ZDHHC14: variants seen among roughly 807,000 people sequenced by gnomAD.
ZDHHC14 encodes palmitoyltransferase ZDHHC14.
In ZDHHC14, 16 loss-of-function variants were observed where a neutral mutation model predicts 47.7. That is an observed-to-expected ratio of 0.34 (90% confidence interval 0.23 to 0.51). The LOEUF (loss-of-function observed/expected upper bound fraction) is 0.51, where lower values mean the gene tolerates loss of function less well. ZDHHC14 is among the 20% of genes least tolerant of loss of function. The pLI, the probability that ZDHHC14 is intolerant of heterozygous loss-of-function variation, is 0.97. For synonymous variants in ZDHHC14, 293 were observed against 278.9 expected, an observed-to-expected ratio of 1.05 and a Z score of -0.50; for missense variants, 515 against 662.5, an observed-to-expected ratio of 0.78 and a Z score of 2.44.
At chr6:157,439,917 C>G (rs1428052454) in intron 1 of ZDHHC14, among the ~76,000 whole-genome samples, 2 of 152,008 alleles carry the variant, frequency 1.3e-5, no homozygotes, top group African/African-American at 4.8e-5. Context: ...GAACAGGAAA[C>G]CGAACACCGC....
intron 3 of ZDHHC14, among the ~76,000 whole-genome samples, chr6:157,613,044 G>A (rs1258336365): frequency 2.0e-5 from 3 of 152,096 alleles, no homozygotes; most frequent in Admixed American, 2.0e-4. Context: ...GTCTGATCAA[G>A]AGCTAGTAAT....
intron 1 of ZDHHC14, among the ~76,000 whole-genome samples, chr6:157,524,296 G>A (rs1305790874): frequency 6.6e-6 from 1 of 152,112 alleles, no homozygotes; most frequent in Non-Finnish European, 1.5e-5. Flanking sequence ...ACCACACCTG[G>A]CTAATTTTTG....
intron 2 of ZDHHC14, among the ~76,000 whole-genome samples, chr6:157,575,042 C>G (rs372099617): frequency 6.6e-6 from 1 of 152,280 alleles, no homozygotes; most frequent in Admixed American, 6.5e-5. Context: ...CTGGAATCTG[C>G]AGGGCAGGCC....
chr6:157,672,628 C>CAACCA, intron 8 of ZDHHC14, 96 bp from the exon 9 acceptor site: 1 of 241,500 alleles, frequency 4.1e-6, no homozygotes, highest in Non-Finnish European at 8.4e-6. Flanking sequence ...TCTCGCACCC[C>CAACCA]ACCCTCCCCG....
intron 1 of ZDHHC14, among the ~76,000 whole-genome samples, chr6:157,540,205 T>A (rs1781694920): frequency 6.6e-6 from 1 of 151,890 alleles, no homozygotes; most frequent in Non-Finnish European, 1.5e-5. Context: ...GCAGTGAGAG[T>A]GTGGCAGGGG....
At chr6:157,437,383 T>C (rs1364296620) in intron 1 of ZDHHC14, among the ~76,000 whole-genome samples, 1 of 152,240 alleles carries the variant, frequency 6.6e-6, no homozygotes, top group African/African-American at 2.4e-5. Flanking sequence ...TGAAGATGAA[T>C]GGCGGTGCTG....
chr6:157,564,089 C>T (rs1226329786), intron 2 of ZDHHC14, among the ~76,000 whole-genome samples: 1 of 152,198 alleles, frequency 6.6e-6, no homozygotes, highest in Non-Finnish European at 1.5e-5. Context: ...TCGTATTTCT[C>T]CTTAGTGAAA....
intron 1 of ZDHHC14, among the ~76,000 whole-genome samples, chr6:157,473,875 G>T (rs148545679): frequency 1.3e-5 from 2 of 151,704 alleles, no homozygotes; most frequent in Non-Finnish European, 2.9e-5. Flanking sequence ...TCTCCAAGAT[G>T]CCTCATTATC....
intron 1 of ZDHHC14, among the ~76,000 whole-genome samples, chr6:157,533,698 T>A (rs1213830986): frequency 6.6e-6 from 1 of 152,102 alleles, no homozygotes; most frequent in Non-Finnish European, 1.5e-5. Context: ...CTTGAGCTGG[T>A]GCATTGGGCA....
At chr6:157,451,137 A>G (rs983525310) in intron 1 of ZDHHC14, among the ~76,000 whole-genome samples, 6 of 152,106 alleles carry the variant, frequency 3.9e-5, no homozygotes, top group Non-Finnish European at 7.4e-5. Flanking sequence ...ATGATTTCCA[A>G]AGAAACCAAT....
intron 8 of ZDHHC14, among the ~76,000 whole-genome samples, chr6:157,657,036 C>T (rs968783221): frequency 6.8e-6 from 1 of 146,644 alleles, no homozygotes; most frequent in African/African-American, 2.5e-5. Flanking sequence ...GCCATCCGTA[C>T]ACACAAAGGG....
At chr6:157,484,452 A>G (rs945744709) in intron 1 of ZDHHC14, among the ~76,000 whole-genome samples, 3 of 144,106 alleles carry the variant, frequency 2.1e-5, no homozygotes, top group South Asian at 2.1e-4. Context: ...ATATATATGT[A>G]TATGTGTATA....
At chr6:157,649,875 G>A (rs1562528891) in intron 7 of ZDHHC14, among the ~76,000 whole-genome samples, 1 of 152,252 alleles carries the variant, frequency 6.6e-6, no homozygotes, top group Non-Finnish European at 1.5e-5. Context: ...ACCAGACTTG[G>A]GCTGGTTCTG....
chr6:157,542,155 G>A (rs1439632873), intron 1 of ZDHHC14, among the ~76,000 whole-genome samples: 1 of 152,184 alleles, frequency 6.6e-6, no homozygotes, highest in Admixed American at 6.5e-5. Flanking sequence ...GGGAAAGGCT[G>A]GCTCTCATGA....
intron 3 of ZDHHC14, among the ~76,000 whole-genome samples, chr6:157,624,713 C>T (rs1785332714): frequency 6.6e-6 from 1 of 152,202 alleles, no homozygotes. Flanking sequence ...TGCACTTACT[C>T]CTGCAGATGT....
chr6:157,552,255 T>C lies in ZDHHC14; in HGVS notation c.406+9510T>C, dbSNP rs568256715. On this transcript the variant is annotated intron_variant, in intron 2 of 8. Transcript: ENST00000359775. ...CAAGATGATGGAACGGTAGCTCTTT[T>C]GAGTGAGTGAGGGAGTGAGTCAGTC... Among the ~76,000 whole-genome samples, 11 of 152,216 alleles carry C rather than the reference T, an allele frequency of 7.2e-5. No individual in the cohort carries two copies. In the East Asian group the frequency reaches 2.1e-3, roughly 30 times the overall value.
rs201842953 is a variant in ZDHHC14 at position 157,592,982 on chromosome 6, C to T, written c.407-6C>T. On this transcript the variant is annotated splice_region_variant and splice_polypyrimidine_tract_variant and intron_variant, in intron 2 of 8. Transcript: ENST00000359775. ...GTGTGCGCTCTTTCTCTTCTTTTCT[C>T]CACAGATATCGCAAACGGCACCAGT... 6 of 1,609,226 alleles carry T rather than the reference C, an allele frequency of 3.7e-6. No individual in the cohort carries two copies. Among genetic ancestry groups the T allele is most frequent in the African/African-American group, 1.3e-5 (1 of 74,750 alleles).
intron 1 of ZDHHC14, among the ~76,000 whole-genome samples, chr6:157,482,257 TTTC>T (rs1779648793): frequency 7.6e-6 from 1 of 132,432 alleles, no homozygotes; most frequent in Non-Finnish European, 1.7e-5. Context: ...TTTCTTTTCT[TTTC>T]TTTTTTTTTT....
At chr6:157,466,213 C>CT (rs910562025) in intron 1 of ZDHHC14, among the ~76,000 whole-genome samples, 33 of 152,308 alleles carry the variant, frequency 2.2e-4, no homozygotes, top group African/African-American at 7.0e-4. Context: ...GTGATGCTGG[C>CT]TTACCTCTCC....
Sources: allele counts gnomAD v4.1 joint callset (sites outside exome capture counted in the v4.1 genomes callset), GRCh38; gene constraint gnomAD v4.1.1; transcripts MANE v1.5; gene names NCBI Gene and HGNC (gene_info 2026-07-23, HGNC 2026-07-21).